PIK3CB: variants seen among roughly 807,000 people sequenced by gnomAD.
The protein encoded by PIK3CB is phosphatidylinositol-4,5-bisphosphate 3-kinase catalytic subunit beta.
A neutral mutation model predicts 136.8 loss-of-function variants in PIK3CB; 39 were observed. The ratio of observed to expected loss-of-function variants is 0.29; its 90% CI spans 0.22 to 0.37. The LOEUF is 0.37. Among genes scored for constraint, PIK3CB ranks in the 10% least tolerant of loss-of-function variants. PIK3CB has a pLI of 1.00. For missense variants in PIK3CB, 868 were observed against 1,275.4 expected (o/e 0.68, Z 4.87); for synonymous variants, 428 against 436.6 (o/e 0.98, Z 0.25).
rs775504365 is a variant in PIK3CB, at chr3:138,737,853, T to G, written c.655A>C (p.Asn219His). The G allele has an allele frequency of 3.2e-5, 51 of 1,605,952 alleles. No individual in the cohort carries two copies. The highest frequency in any genetic ancestry group is 4.2e-5 in the Non-Finnish European group (49 of 1,175,700). ...GCCAATTCATTTACTTTGATAGGATTCATATTAGGAGACACTTGAAAGCTA... is the reference window on the plus strand; with the variant it reads ...GCCAATTCATTTACTTTGATAGGATGCATATTAGGAGACACTTGAAAGCTA... ...VFSFQVSPNM[N>H]PIKVNELAIQ... Residue 219 changes from asparagine (N) to histidine (H), a missense_variant, in exon 6 of 24, where the codon AAT becomes CAT. Physicochemically the swap from Asn to His is moderately conservative, Grantham distance 68. Around this residue, in one of 4 missense-constraint regions of PIK3CB, gnomAD observed 612 missense variants for 801.1 expected, o/e 0.76. Transcript: ENST00000674063.
rs2043141243 is a variant in PIK3CB at position 138,652,738 on chromosome 3, TAA to T, written c.*2649_*2650del. The stretch of plus-strand genomic sequence containing the variant: ...ATTTAATTATAGATCTTAAAATAAC[TAA>T]AAGAGTATAACTGGATTGTTTCTAA... On this transcript the variant is annotated 3_prime_UTR_variant, in exon 24 of 24. Coordinates refer to ENST00000674063, the MANE Select transcript of PIK3CB (RefSeq NM_006219.3). The T allele has an allele frequency of 1.4e-5, 3 of 217,668 alleles. No homozygotes were observed. The highest frequency in any genetic ancestry group is 1.9e-4 in the South Asian group (1 of 5,366). 13.5% of individuals were successfully genotyped at this position (217,668 alleles called of 1,614,324 possible). A position where few individuals can be genotyped will look rare whatever the true frequency, so the allele number is the denominator to read the frequency against.
chr3:138,795,124 A>T (rs915948870), intron 2 of PIK3CB, among the ~76,000 whole-genome samples: 3 of 151,932 alleles, frequency 2.0e-5, no homozygotes, highest in Admixed American at 2.0e-4. Context: ...GTTCGAGACT[A>T]GCCTGGCTAA....
intron 11 of PIK3CB, among the ~76,000 whole-genome samples, chr3:138,705,968 T>C (rs1471433918): frequency 1.3e-5 from 2 of 152,228 alleles, no homozygotes; most frequent in Admixed American, 6.5e-5. Flanking sequence ...GTCCAGGCTA[T>C]CTTGAACTCC....
At chr3:138,828,157 T>G (rs1933865509) in intron 1 of PIK3CB, among the ~76,000 whole-genome samples, 1 of 151,916 alleles carries the variant, frequency 6.6e-6, no homozygotes, top group Non-Finnish European at 1.5e-5. Flanking sequence ...ATTCCTACAT[T>G]TATTCATTCA....
chr3:138,783,122 A>T (rs2045939290), intron 2 of PIK3CB, among the ~76,000 whole-genome samples: 1 of 152,236 alleles, frequency 6.6e-6, no homozygotes, highest in Non-Finnish European at 1.5e-5. Flanking sequence ...ATCCTTGTTC[A>T]TTACTCTGCA....
chr3:138,834,204 A>C (rs764689423), intron 1 of PIK3CB, among the ~76,000 whole-genome samples: 2 of 152,398 alleles, frequency 1.3e-5, no homozygotes, highest in Non-Finnish European at 2.9e-5. Flanking sequence ...ATTTTGGCCC[A>C]AGGCCCCAGG....
chr3:138,692,660 G>A (rs961884236), intron 14 of PIK3CB, among the ~76,000 whole-genome samples: 3 of 152,164 alleles, frequency 2.0e-5, no homozygotes, highest in Admixed American at 1.3e-4. Context: ...AGCACTATTG[G>A]TGAGTCTGTG....
intron 18 of PIK3CB, 78 bp from the exon 19 acceptor site, chr3:138,682,123 GAATT>G (rs2043795194): frequency 6.3e-6 from 5 of 797,460 alleles, no homozygotes; most frequent in Middle Eastern, 4.6e-4. Flanking sequence ...GACTAACTCA[GAATT>G]AACTAAAAAC....
intron 11 of PIK3CB, among the ~76,000 whole-genome samples, chr3:138,705,185 A>AAAAAAAAAAAAAAAAAAAAG (rs2044348170): frequency 1.2e-5 from 1 of 82,138 alleles, no homozygotes; most frequent in Non-Finnish European, 2.2e-5. Context: ...AAAAAACAAA[A>AAAAAAAAAAAAAAAAAAAAG]CAAACAAAAA....
Position 138,707,201 on chromosome 3 carries a change from T to A in PIK3CB, c.1488A>T (p.Pro496=). The part of the protein sequence containing the change: ...ENATALHVKF[P]ENKKQPYYYP... Reference sequence around the variant, plus strand: ...AATAATAAGGTTGTTTTTTATTCTCTGGAAATTTAACATGCAAAGCTGTTG... The same window carrying A: ...AATAATAAGGTTGTTTTTTATTCTCAGGAAATTTAACATGCAAAGCTGTTG... The change falls in exon 11 of 24, where the codon CCA becomes CCT. Residue 496 remains proline (P), a synonymous_variant. Transcript: ENST00000674063. The A allele has an allele frequency of 6.2e-7, 1 of 1,612,770 alleles. No individual in the cohort carries two copies. Among genetic ancestry groups the A allele is most frequent in the South Asian group, 1.1e-5 (1 of 90,962 alleles).
intron 11 of PIK3CB, among the ~76,000 whole-genome samples, chr3:138,705,798 G>C (rs1252131573): frequency 1.3e-5 from 2 of 152,102 alleles, no homozygotes; most frequent in African/African-American, 4.8e-5. Flanking sequence ...TGTTGCCCAG[G>C]CTGGAGCACA....
intron 11 of PIK3CB, among the ~76,000 whole-genome samples, chr3:138,705,197 AAAAAC>A (rs1559828842): frequency 1.1e-4 from 16 of 142,248 alleles, no homozygotes; most frequent in East Asian, 6.4e-4. Context: ...AAACAAAAAA[AAAAAC>A]TTATATTTGC....
chr3:138,742,700 AT>A lies in PIK3CB; in HGVS notation c.478del (p.Ile160SerfsTer13), dbSNP rs2108672298. The A allele has an allele frequency of 6.2e-7, 1 of 1,613,380 alleles. No individual in the cohort carries two copies. The highest frequency in any genetic ancestry group is 8.5e-7 in the Non-Finnish European group (1 of 1,179,586). ...CCAAGACAATCCCACAAGTGACAGG[AT>A]TTTTTCCTCGCTGAATTTGCGCATT... ...RKMRKFSEEK[I>X]LSLVGLSWMD... On this transcript the variant is annotated frameshift_variant, in exon 5 of 24. Transcript: ENST00000674063. LOFTEE classifies it high-confidence loss of function.
rs577778954 is a variant in PIK3CB at position 138,778,549 on chromosome 3, G to A, written c.-17+17914C>T. Reference sequence around the variant, plus strand: ...CAGCCAATGTGTCCATCATGGACCTGACCTGCCATCTGGAGAGACCTGCCA... The same window carrying A: ...CAGCCAATGTGTCCATCATGGACCTAACCTGCCATCTGGAGAGACCTGCCA... On this transcript the variant is annotated intron_variant, in intron 2 of 23. Coordinates refer to ENST00000674063, the MANE Select transcript of PIK3CB (RefSeq NM_006219.3). 5.3e-5 allele frequency: 12 copies of A among 227,002 alleles called. No homozygotes were observed. In the South Asian group the frequency reaches 6.5e-4, roughly 12 times the overall value. The allele number at this position is 227,002 out of a possible 1,614,324, so 14.1% of individuals were successfully genotyped here.
chr3:138,788,960 G>A (rs1191226361), intron 2 of PIK3CB, among the ~76,000 whole-genome samples: 5 of 77,126 alleles, frequency 6.5e-5, no homozygotes, highest in South Asian at 5.3e-4. Context: ...GAGAGACTTC[G>A]TCTCAAAAAA....
chr3:138,742,219 T>C (rs547552981), intron 5 of PIK3CB, among the ~76,000 whole-genome samples: 5 of 152,332 alleles, frequency 3.3e-5, no homozygotes, highest in African/African-American at 4.8e-5. Flanking sequence ...CTCTGTTGCA[T>C]ATTCTTTTTA....
chr3:138,670,624 T>C (rs914588888), intron 19 of PIK3CB, among the ~76,000 whole-genome samples: 9 of 152,338 alleles, frequency 5.9e-5, no homozygotes, highest in African/African-American at 2.2e-4. Flanking sequence ...CAAAAACAGG[T>C]AGCCCAGGTC....
Position 138,785,557 on chromosome 3 carries a change from C to G in PIK3CB, c.-17+10906G>C, listed in dbSNP as rs139226582. Among the ~76,000 whole-genome samples the G allele has an allele frequency of 2.0e-5, 3 of 152,244 alleles. No homozygotes were observed. The East Asian group carries it at 5.8e-4, about 29-fold the overall frequency. ...CTCTGAAACATGTGCTGTGTCCACT[C>G]AGGGTTAAATGGATTAAGGACGGTG... On this transcript the variant is annotated intron_variant, in intron 2 of 23. Coordinates refer to ENST00000674063, the MANE Select transcript of PIK3CB (RefSeq NM_006219.3).
At chr3:138,763,526 T>C (rs941788815) in intron 2 of PIK3CB, among the ~76,000 whole-genome samples, 3 of 152,196 alleles carry the variant, frequency 2.0e-5, no homozygotes, top group Admixed American at 1.3e-4. Context: ...TACACGTCCC[T>C]AGTTTCTTCA....
Sources: gnomAD v4.1 joint callset for allele counts (sites outside exome capture counted in the v4.1 genomes callset) on GRCh38, gnomAD v4.1.1 for gene constraint, gnomAD v4.1.1 regional missense constraint, MANE v1.5 for transcripts, NCBI Gene and HGNC (gene_info 2026-07-23, HGNC 2026-07-21) for gene names.